ADGRL3: variants seen among roughly 807,000 people sequenced by gnomAD.
ADGRL3 encodes adhesion G protein-coupled receptor L3.
ADGRL3 carries 62 observed loss-of-function variants against 153.5 expected under a neutral mutation model. The observed-to-expected ratio is 0.40, with a 90% CI of 0.33 to 0.50. ADGRL3 has a LOEUF of 0.50. Among genes scored for constraint, ADGRL3 ranks in the 20% least tolerant of loss-of-function variants. The pLI, the probability that ADGRL3 is intolerant of heterozygous loss-of-function variation, is 0.47. For missense variants in ADGRL3, 1,641 were observed against 1,859.4 expected (o/e 0.88, Z 2.16); for synonymous variants, 710 against 672.5 (o/e 1.06, Z -0.86).
chr4:61,845,549 G>A (rs2098106626), intron 9 of ADGRL3, among the ~76,000 whole-genome samples: 2 of 145,504 alleles, frequency 1.4e-5, no homozygotes, highest in Non-Finnish European at 3.0e-5. Context: ...TTTTTTTGCA[G>A]AGACAGCAGT....
At chr4:62,033,817 T>A (rs1723507035) in intron 23 of ADGRL3, among the ~76,000 whole-genome samples, 1 of 151,846 alleles carries the variant, frequency 6.6e-6, no homozygotes, top group Non-Finnish European at 1.5e-5. Flanking sequence ...TAAATTTTTT[T>A]ACTAACTCAT....
intron 2 of ADGRL3, among the ~76,000 whole-genome samples, chr4:61,445,482 A>G (rs2097572096): frequency 2.0e-5 from 3 of 152,224 alleles, no homozygotes; most frequent in South Asian, 4.1e-4. Flanking sequence ...GTGCAAAGAA[A>G]AAGATGTAAT....
intron 2 of ADGRL3, among the ~76,000 whole-genome samples, chr4:61,452,041 A>G (rs1023626006): frequency 4.6e-5 from 7 of 152,214 alleles, no homozygotes; most frequent in African/African-American, 1.7e-4. Context: ...TTCATTGTTC[A>G]GATTACCCTT....
intron 25 of ADGRL3, among the ~76,000 whole-genome samples, chr4:62,060,001 G>GT (rs1244817241): frequency 4.3e-4 from 66 of 152,182 alleles, no homozygotes; most frequent in Non-Finnish European, 7.9e-4. Context: ...ATCTTTGATA[G>GT]TTTCATTAGA....
At chr4:61,601,199 C>A (rs950893053) in intron 5 of ADGRL3, among the ~76,000 whole-genome samples, 4 of 152,058 alleles carry the variant, frequency 2.6e-5, no homozygotes, top group African/African-American at 9.7e-5. Flanking sequence ...TATGTGTTAC[C>A]GAATGCGCCA....
At chr4:61,499,572 A>C (rs1001388137) in intron 3 of ADGRL3, among the ~76,000 whole-genome samples, 1 of 152,180 alleles carries the variant, frequency 6.6e-6, no homozygotes, top group African/African-American at 2.4e-5. Flanking sequence ...ATAATGTAGT[A>C]CAGTGCATAG....
chr4:61,749,853 GTA>G (rs1561178028), intron 8 of ADGRL3, among the ~76,000 whole-genome samples: 1 of 150,850 alleles, frequency 6.6e-6, no homozygotes, highest in Non-Finnish European at 1.5e-5. Context: ...AAAACTTAAA[GTA>G]TAATAATAAT....
intron 9 of ADGRL3, among the ~76,000 whole-genome samples, chr4:61,816,120 G>A (rs1189586761): frequency 6.6e-6 from 1 of 152,166 alleles, no homozygotes; most frequent in Non-Finnish European, 1.5e-5. Context: ...CTACTAATGT[G>A]AGTTGGTGAC....
In ADGRL3 at chr4:61,387,139, CGT is replaced by C. The variant is rs543303494; in HGVS notation, c.-174+3952_-174+3953del. Among the ~76,000 whole-genome samples, 30 of 152,052 alleles carry C rather than the reference CGT, an allele frequency of 2.0e-4. 1 individual carries two copies. The South Asian group carries it at 5.4e-3, about 27-fold the overall frequency. ...GGAGACATCACACGTTGGTAGGACC[CGT>C]GATACCCTACAAGCCACAAAAACCA... On this transcript the variant is annotated intron_variant, in intron 2 of 26. Transcript: ENST00000683033.
intron 4 of ADGRL3, among the ~76,000 whole-genome samples, chr4:61,550,584 G>A (rs1428155166): frequency 6.6e-6 from 1 of 151,856 alleles, no homozygotes; most frequent in African/African-American, 2.4e-5. Context: ...ACTTTGGTGT[G>A]GGGAGTGGTG....
chr4:61,993,438 T>C (rs770420735), intron 19 of ADGRL3, among the ~76,000 whole-genome samples: 5 of 151,336 alleles, frequency 3.3e-5, no homozygotes, highest in Non-Finnish European at 7.4e-5. Flanking sequence ...ATTACAGGCA[T>C]GCATCACCAG....
chr4:61,313,779 T>A (rs1174901176), intron 1 of ADGRL3, among the ~76,000 whole-genome samples: 1 of 152,138 alleles, frequency 6.6e-6, no homozygotes, highest in Non-Finnish European at 1.5e-5. Flanking sequence ...GTACGGTGGT[T>A]TTTTACAAAA....
chr4:61,947,595 A>C (rs2098930700), intron 16 of ADGRL3, among the ~76,000 whole-genome samples: 1 of 152,214 alleles, frequency 6.6e-6, no homozygotes. Context: ...ATTATGTTGC[A>C]TACCTTAAAT....
chr4:62,057,182 ATC>A (rs1231786612), intron 25 of ADGRL3, among the ~76,000 whole-genome samples: 1 of 152,116 alleles, frequency 6.6e-6, no homozygotes, highest in East Asian at 1.9e-4. Context: ...CCTTTTTCAG[ATC>A]TGTTTTTTAC....
intron 1 of ADGRL3, among the ~76,000 whole-genome samples, chr4:61,273,004 C>G (rs1040703399): frequency 6.6e-6 from 1 of 152,126 alleles, no homozygotes; most frequent in Non-Finnish European, 1.5e-5. Context: ...TACCTACACT[C>G]TCTACTACTC....
chr4:61,869,592 G>A (rs1001812704), intron 9 of ADGRL3, among the ~76,000 whole-genome samples: 1 of 151,738 alleles, frequency 6.6e-6, no homozygotes, highest in East Asian at 2.0e-4. Flanking sequence ...GCGACAGAGC[G>A]AGACTCCGTC....
chr4:61,370,807 T>C (rs576248981), intron 1 of ADGRL3, among the ~76,000 whole-genome samples: 2 of 152,314 alleles, frequency 1.3e-5, no homozygotes, highest in Admixed American at 1.3e-4. Context: ...GTCTCGTTGA[T>C]CTGTCTAATA....
At chr4:61,540,054 T>C (rs541676326) in intron 4 of ADGRL3, among the ~76,000 whole-genome samples, 2 of 152,296 alleles carry the variant, frequency 1.3e-5, no homozygotes, top group Admixed American at 1.3e-4. Context: ...TAATGCCAGG[T>C]ACATTTTTCA....
chr4:61,299,408 C>A (rs1284630663), intron 1 of ADGRL3, among the ~76,000 whole-genome samples: 2 of 152,112 alleles, frequency 1.3e-5, no homozygotes, highest in Non-Finnish European at 2.9e-5. Context: ...TTTTTGTCAG[C>A]ATCCTCAGTT....
Sources: gnomAD v4.1 joint callset for allele counts (sites outside exome capture counted in the v4.1 genomes callset) on GRCh38, gnomAD v4.1.1 for gene constraint, MANE v1.5 for transcripts, NCBI Gene and HGNC (gene_info 2026-07-23, HGNC 2026-07-21) for gene names.